Variants in UGT1A5 observed in about 807,000 individuals in gnomAD.
UGT1A5 encodes the protein UDP glucuronosyltransferase family 1 member A5.
In UGT1A5, 29 loss-of-function variants were observed where a neutral mutation model predicts 40.3. The ratio of observed to expected loss-of-function variants is 0.72; its 90% CI spans 0.54 to 0.98. UGT1A5 has a LOEUF of 0.98. UGT1A5 is among the 50% of genes least tolerant of loss of function. UGT1A5 has a pLI of 0.00. For synonymous variants in UGT1A5, 257 were observed against 262.5 expected (o/e 0.98, Z 0.20); for missense variants, 678 against 677.9 (o/e 1.00, Z 0.00).
intron 1 of UGT1A5, among the ~76,000 whole-genome samples, chr2:233,716,626 G>A (rs1294828995): frequency 6.6e-6 from 1 of 152,106 alleles, no homozygotes; most frequent in Non-Finnish European, 1.5e-5. Flanking sequence ...TTCTAGTGAA[G>A]TTTTTATCGT....
At position 233,718,958 on chromosome 2, in the gene UGT1A5, G is replaced by A. The variant is rs201006205; in HGVS notation, c.867+5100G>A. 528 of 1,614,220 alleles carry A rather than the reference G, an allele frequency of 3.3e-4. 5 individuals carry two copies. In the South Asian group the frequency reaches 5.5e-3, roughly 17 times the overall value. On this transcript the variant is annotated intron_variant, in intron 1 of 4. Coordinates refer to ENST00000373414, the MANE Select transcript of UGT1A5 (RefSeq NM_019078.2). ...GCAGCCCCTGGCTCAGCATGCGGGA[G>A]GCCTTGCGGGAGCTCCATGCCAGAG...
intron 1 of UGT1A5, among the ~76,000 whole-genome samples, chr2:233,764,723 G>A (rs547202766): frequency 1.3e-5 from 2 of 152,270 alleles, no homozygotes; most frequent in African/African-American, 4.8e-5. Flanking sequence ...CAAGAAAGAG[G>A]GAGAGAAAGA....
At position 233,772,309 on chromosome 2, in the gene UGT1A5, CGGTG is replaced by C. The variant is rs768601491; in HGVS notation, c.1357_1360del (p.Val453SerfsTer13). On this transcript the variant is annotated frameshift_variant, in exon 5 of 5. Transcript: ENST00000373414. LOFTEE classifies it high-confidence loss of function. ...CTCTCCAGCCTTCACAAGGACCGCCCGGTGGAGCCGCTGGACCTGGCCGTGTTCT... is the reference window on the plus strand; with the variant it reads ...CTCTCCAGCCTTCACAAGGACCGCCCGAGCCGCTGGACCTGGCCGTGTTCT... 1.9e-6 allele frequency: 3 copies of C among 1,614,206 alleles called. No individual in the cohort carries two copies. The highest frequency in any genetic ancestry group is 2.5e-6 in the Non-Finnish European group (3 of 1,180,052).
At chr2:233,747,972 G>T in intron 1 of UGT1A5, 1 of 1,613,464 alleles carries the variant, frequency 6.2e-7, no homozygotes, top group South Asian at 1.1e-5. Flanking sequence ...CCATGCATCT[G>T]TGTGGCTGTT....
At chr2:233,755,384 G>A in intron 1 of UGT1A5, 2 of 348,148 alleles carry the variant, frequency 5.7e-6, no homozygotes, top group Non-Finnish European at 1.1e-5. Context: ...CGCCCCTTAT[G>A]ACGCAGCCAC....
chr2:233,747,555 G>A, intron 1 of UGT1A5: 1 of 1,599,236 alleles, frequency 6.3e-7, no homozygotes, highest in Non-Finnish European at 8.6e-7. Flanking sequence ...TAAAAGTATG[G>A]CAATTTTGAA....
intron 1 of UGT1A5, among the ~76,000 whole-genome samples, chr2:233,750,999 T>G (rs560264893): frequency 6.6e-6 from 1 of 151,774 alleles, no homozygotes; most frequent in Non-Finnish European, 1.5e-5. Flanking sequence ...GCCACCATCC[T>G]CCAGAATCCC....
In UGT1A5 at chr2:233,769,922, G is replaced by A. The variant is rs1699984157; in HGVS notation, c.1307+1483G>A. On this transcript the variant is annotated intron_variant, in intron 4 of 4. Coordinates refer to ENST00000373414, the MANE Select transcript of UGT1A5 (RefSeq NM_019078.2). The surrounding 1 kb of genome is among the most constrained non-coding windows in gnomAD (Gnocchi z 4.4). ...CATCATGTGCCCAGAGCGTTGGGTG[G>A]TGTGGTCCCATTCCTTCCTTCCAGC... 2 of 270,870 alleles carry A rather than the reference G, an allele frequency of 7.4e-6. No homozygotes were observed. The highest frequency in any genetic ancestry group is 1.5e-4 in the South Asian group (2 of 13,602). 16.8% of individuals were successfully genotyped at this position (270,870 alleles called of 1,614,324 possible). A position where few individuals can be genotyped will look rare whatever the true frequency, so the allele number is the denominator to read the frequency against.
rs138626513 is a variant in UGT1A5 at position 233,772,998 on chromosome 2, C to T, written c.*439C>T. 4.0e-5 allele frequency: 10 copies of T among 249,518 alleles called. No individual in the cohort carries two copies. The East Asian group carries it at 6.9e-4, about 17-fold the overall frequency. 15.5% of individuals were successfully genotyped at this position (249,518 alleles called of 1,614,324 possible). On this transcript the variant is annotated 3_prime_UTR_variant, in exon 5 of 5. Coordinates refer to ENST00000373414, the MANE Select transcript of UGT1A5 (RefSeq NM_019078.2). ...AATAATGGTCAGTCCTCATCTCTGT[C>T]GTGCTTCATAGGTGCCACCTTGTGT...
At chr2:233,730,000 A>G (rs569428615) in intron 1 of UGT1A5, 10 of 1,614,004 alleles carry the variant, frequency 6.2e-6, no homozygotes, top group Admixed American at 3.3e-5. Context: ...TCAGGTCTGT[A>G]TTGGTGCCTT....
rs1700550543 is a variant in UGT1A5, at chr2:233,772,835, G to A, written c.*276G>A. ...GACGTGCAGACAGGCTGGCATTCTA[G>A]ATTACTTTTCTTACTCTGAAACATG... On this transcript the variant is annotated 3_prime_UTR_variant, in exon 5 of 5. Transcript: ENST00000373414. 1.1e-6 allele frequency: 1 copy of A among 887,832 alleles called. No individual in the cohort carries two copies. Among genetic ancestry groups the A allele is most frequent in the Non-Finnish European group, 1.6e-6 (1 of 638,112 alleles). The allele number at this position is 887,832 out of a possible 1,614,324, so 55.0% of individuals were successfully genotyped here. A position where few individuals can be genotyped will look rare whatever the true frequency, so the allele number is the denominator to read the frequency against.
At chr2:233,767,454 G>A (rs1699397027) in intron 2 of UGT1A5, among the ~76,000 whole-genome samples, 1 of 152,122 alleles carries the variant, frequency 6.6e-6, no homozygotes, top group South Asian at 2.1e-4. Context: ...TAAAATAAAT[G>A]GGATATTGTT....
chr2:233,744,000 G>T, intron 1 of UGT1A5: 1 of 1,221,194 alleles, frequency 8.2e-7, no homozygotes, highest in South Asian at 1.4e-5. Flanking sequence ...CGAGTGCTCG[G>T]AGACCTGGGC....
At chr2:233,758,212 G>A (rs377480824) in intron 1 of UGT1A5, among the ~76,000 whole-genome samples, 4 of 152,326 alleles carry the variant, frequency 2.6e-5, no homozygotes, top group African/African-American at 9.6e-5. Context: ...GTTCTCTGTT[G>A]TAATTCATGA....
At chr2:233,743,967 C>T in intron 1 of UGT1A5, 2 of 1,326,686 alleles carry the variant, frequency 1.5e-6, no homozygotes, top group Non-Finnish European at 2.0e-6. Flanking sequence ...AGCGGCAAGG[C>T]TGCCAGCACC....
intron 1 of UGT1A5, chr2:233,761,111 T>C: frequency 6.2e-7 from 1 of 1,614,220 alleles, no homozygotes; most frequent in Non-Finnish European, 8.5e-7. Context: ...ATGGTTTTTG[T>C]TGGTGGAATC....
At position 233,768,160 on chromosome 2, in the gene UGT1A5, G is replaced by A. The variant is rs35295390; in HGVS notation, c.1088-60G>A. The A allele has an allele frequency of 1.5e-4, 241 of 1,613,276 alleles. 1 individual carries two copies. The African/African-American group carries it at 2.5e-3, about 17-fold the overall frequency. ...TTTGGAGTGTTTTCAGAACCTAGAT[G>A]TGTCCAGCTGTGAAACTCAGAGATG... On this transcript the variant is annotated intron_variant, in intron 3 of 4. Coordinates refer to ENST00000373414, the MANE Select transcript of UGT1A5 (RefSeq NM_019078.2).
Position 233,772,679 on chromosome 2 carries a change from T to C in UGT1A5, c.*120T>C. On this transcript the variant is annotated 3_prime_UTR_variant, in exon 5 of 5. Transcript: ENST00000373414. ...TAAGGAAATACTTTGCATAAATTAATCAGCCCCAGAGTGCTTTAAAAAATT... is the reference window on the plus strand; with the variant it reads ...TAAGGAAATACTTTGCATAAATTAACCAGCCCCAGAGTGCTTTAAAAAATT... The C allele has an allele frequency of 6.5e-7, 1 of 1,531,230 alleles. No homozygotes were observed. Among genetic ancestry groups the C allele is most frequent in the Non-Finnish European group, 8.8e-7 (1 of 1,141,982 alleles). 94.9% of individuals were successfully genotyped at this position (1,531,230 alleles called of 1,614,324 possible).
rs377204506 is a variant in UGT1A5 at position 233,718,901 on chromosome 2, G to C, written c.867+5043G>C. ...TCCTCAGTGTCCAGCCCTGGGCTGAGAGTGGAAAGGTGTTGGTGGTGCCCA... is the reference window on the plus strand; with the variant it reads ...TCCTCAGTGTCCAGCCCTGGGCTGACAGTGGAAAGGTGTTGGTGGTGCCCA... On this transcript the variant is annotated intron_variant, in intron 1 of 4. Transcript: ENST00000373414. 43 of 1,613,936 alleles carry C rather than the reference G, an allele frequency of 2.7e-5. No individual in the cohort carries two copies. Among genetic ancestry groups the C allele is most frequent in the Non-Finnish European group, 3.6e-5 (43 of 1,179,928 alleles).
Sources: allele counts gnomAD v4.1 joint callset (sites outside exome capture counted in the v4.1 genomes callset), GRCh38; gene constraint gnomAD v4.1.1; non-coding constraint Gnocchi (gnomAD v3.1); transcripts MANE v1.5; gene names NCBI Gene and HGNC (gene_info 2026-07-23, HGNC 2026-07-21).